The following THSD4 variants were observed in gnomAD, a reference collection of about 807,000 sequenced individuals.
THSD4 encodes thrombospondin type 1 domain containing 4, also known as thrombospondin type-1 domain-containing protein 4.
A neutral mutation model predicts 119.0 loss-of-function variants in THSD4; 69 were observed. The ratio of observed to expected loss-of-function variants is 0.58; its 90% confidence interval spans 0.48 to 0.71. The LOEUF (loss-of-function observed/expected upper bound fraction) is 0.71, where lower values mean the gene tolerates loss of function less well. Ranked by LOEUF, THSD4 falls within the 30% of genes least tolerant of loss-of-function variation. The pLI, the probability that THSD4 is intolerant of heterozygous loss-of-function variation, is 0.00. For synonymous variants in THSD4, 524 were observed against 540.4 expected (o/e 0.97, Z 0.42); for missense variants, 1,393 against 1,391.1 (o/e 1.00, Z -0.02).
At chr15:71,642,956 TAAAAA>T (rs1164154361) in intron 7 of THSD4, among the ~76,000 whole-genome samples, 2 of 151,736 alleles carry the variant, frequency 1.3e-5, no homozygotes, top group Non-Finnish European at 2.9e-5. Flanking sequence ...ATAATAATAA[TAAAAA>T]AATAAAAAAG....
chr15:71,310,401 T>A (rs1311380603), intron 6 of THSD4, among the ~76,000 whole-genome samples: 1 of 152,214 alleles, frequency 6.6e-6, no homozygotes, highest in East Asian at 1.9e-4. Context: ...CATGTGTACA[T>A]AGGTCCCTTC....
At chr15:71,764,874 A>G (rs1266324001) in intron 15 of THSD4, 146 bp from the exon 16 acceptor site, 30 of 1,045,012 alleles carry the variant, frequency 2.9e-5, no homozygotes, top group Non-Finnish European at 4.1e-5. Flanking sequence ...TTTCTCCTCC[A>G]GAAACATTTC....
At chr15:71,345,810 A>G (rs1227357476) in intron 6 of THSD4, among the ~76,000 whole-genome samples, 2 of 149,294 alleles carry the variant, frequency 1.3e-5, no homozygotes, top group Middle Eastern at 3.4e-3. Context: ...TTTTTTTTTA[A>G]TTATTTTACT....
chr15:71,773,155 C>T (rs964647234), intron 17 of THSD4, among the ~76,000 whole-genome samples: 6 of 136,258 alleles, frequency 4.4e-5, no homozygotes, highest in Admixed American at 8.6e-5. Context: ...GAGGTGCAAT[C>T]GCACCACTGC....
chr15:71,357,770 TGGC>T (rs1401457052), intron 6 of THSD4, among the ~76,000 whole-genome samples: 1 of 152,222 alleles, frequency 6.6e-6, no homozygotes, highest in African/African-American at 2.4e-5. Context: ...AAATTAAATG[TGGC>T]GAGAAATGGA....
chr15:71,139,174 T>C (rs1227012599), intron 1 of THSD4, among the ~76,000 whole-genome samples: 3 of 152,162 alleles, frequency 2.0e-5, no homozygotes, highest in Non-Finnish European at 2.9e-5. Context: ...AGACCATCCC[T>C]CTACAGCGAT....
chr15:71,661,037 G>A lies in THSD4; in HGVS notation c.1357+303G>A, dbSNP rs2051295929. On this transcript the variant is annotated intron_variant, in intron 8 of 17. Coordinates refer to ENST00000261862, the MANE Select transcript of THSD4 (RefSeq NM_024817.3). ...CAGCCCAAATTATTGCTCTGAGATG[G>A]GAGAAGCTCTTTGCAAAGCGCGGAG... Among the ~76,000 whole-genome samples, 4 of 152,220 alleles carry A rather than the reference G, an allele frequency of 2.6e-5. No individual in the cohort carries two copies. In the South Asian group the frequency reaches 8.3e-4, roughly 32 times the overall value.
chr15:71,648,825 C>T lies in THSD4; in HGVS notation c.1153-11705C>T, dbSNP rs147776056. 8.0e-3 allele frequency among the ~76,000 whole-genome samples: 1,211 copies of T among 152,296 alleles called. 7 individuals carry two copies. The highest frequency in any genetic ancestry group is 0.013 in the Non-Finnish European group (854 of 68,028). On this transcript the variant is annotated intron_variant, in intron 7 of 17. Transcript: ENST00000261862. The stretch of plus-strand genomic sequence containing the variant: ...GTCTCGAGGAGAAGGAGAGGCACAA[C>T]ATTTTACCAGCCCCTACTTCATGCC...
At chr15:71,497,870 T>G (rs1169443839) in intron 7 of THSD4, among the ~76,000 whole-genome samples, 1 of 152,236 alleles carries the variant, frequency 6.6e-6, no homozygotes, top group Non-Finnish European at 1.5e-5. Context: ...ATGGGCTTGA[T>G]GCCCTGAATT....
chr15:71,611,164 G>A (rs1356876948), intron 7 of THSD4, among the ~76,000 whole-genome samples: 1 of 152,224 alleles, frequency 6.6e-6, no homozygotes, highest in Non-Finnish European at 1.5e-5. Context: ...CAGTTTTGCA[G>A]TTGTGCAATC....
intron 7 of THSD4, among the ~76,000 whole-genome samples, chr15:71,523,531 T>C (rs1487675799): frequency 6.6e-6 from 1 of 152,210 alleles, no homozygotes; most frequent in Non-Finnish European, 1.5e-5. Context: ...GTATATCTTT[T>C]GGGAGACCAC....
chr15:71,474,226 AT>A (rs5813635), intron 7 of THSD4, among the ~76,000 whole-genome samples: 44,994 of 148,498 alleles, frequency 0.3, 6,898 homozygotes, highest in South Asian at 0.42. Context: ...ATTTTATTTT[AT>A]TTTTTTTTTT....
chr15:71,680,021 G>A (rs779972892), intron 8 of THSD4, among the ~76,000 whole-genome samples: 1 of 152,216 alleles, frequency 6.6e-6, no homozygotes, highest in Non-Finnish European at 1.5e-5. Flanking sequence ...ACACACCACA[G>A]TATTGCTACA....
At chr15:71,775,797 T>C (rs1338085680) in intron 17 of THSD4, among the ~76,000 whole-genome samples, 1 of 152,192 alleles carries the variant, frequency 6.6e-6, no homozygotes, top group Non-Finnish European at 1.5e-5. Context: ...AAGGCTGTTT[T>C]GATGATTAAC....
At chr15:71,697,102 A>G (rs1039323963) in intron 8 of THSD4, among the ~76,000 whole-genome samples, 3 of 152,214 alleles carry the variant, frequency 2.0e-5, no homozygotes, top group Admixed American at 2.0e-4. Flanking sequence ...AAAGGGGATG[A>G]TTCAAGTGGC....
intron 7 of THSD4, among the ~76,000 whole-genome samples, chr15:71,634,510 C>A (rs1481294206): frequency 6.6e-6 from 1 of 152,214 alleles, no homozygotes; most frequent in South Asian, 2.1e-4. Flanking sequence ...AATGCCATGT[C>A]CACTTTGGCT....
At chr15:71,156,480 C>T (rs1172362714) in intron 3 of THSD4, among the ~76,000 whole-genome samples, 2 of 152,002 alleles carry the variant, frequency 1.3e-5, no homozygotes, top group Non-Finnish European at 2.9e-5. Flanking sequence ...AGGCTAGTCT[C>T]GAACTCCTGA....
At position 71,783,351 on chromosome 15, in the gene THSD4, A is replaced by G. The variant is rs1464321120; in HGVS notation, c.*5977A>G. ...CTCCTGCAAATAGCGCCCTCTAAAA[A>G]GAAGAGTCAGACAATAAACTGGTTG... On this transcript the variant is annotated 3_prime_UTR_variant, in exon 18 of 18. Transcript: ENST00000261862. 1.3e-5 allele frequency: 2 copies of G among 152,188 alleles called. No homozygotes were observed. The highest frequency in any genetic ancestry group is 2.9e-5 in the Non-Finnish European group (2 of 68,030). The allele number at this position is 152,188 out of a possible 1,614,324, so 9.4% of individuals were successfully genotyped here. A position where few individuals can be genotyped will look rare whatever the true frequency, so the allele number is the denominator to read the frequency against.
At chr15:71,447,120 T>TTTG (rs2047195628) in intron 7 of THSD4, among the ~76,000 whole-genome samples, 1 of 132,976 alleles carries the variant, frequency 7.5e-6, no homozygotes, top group Non-Finnish European at 1.6e-5. Flanking sequence ...TTTTTTTTGT[T>TTTG]TTTTTTTTTT....
Sources: allele counts gnomAD v4.1 joint callset (sites outside exome capture counted in the v4.1 genomes callset), GRCh38; gene constraint gnomAD v4.1.1; transcripts MANE v1.5; gene names NCBI Gene and HGNC (gene_info 2026-07-23, HGNC 2026-07-21).